Variants in B3GALNT2 observed in about 807,000 individuals in gnomAD.
The protein encoded by B3GALNT2 is beta-1,3-N-acetylgalactosaminyltransferase 2.
B3GALNT2 carries 53 observed loss-of-function variants against 61.1 expected under a neutral mutation model. The observed-to-expected ratio is 0.87, with a 90% CI of 0.70 to 1.09. The LOEUF (loss-of-function observed/expected upper bound fraction) is 1.09, where lower values mean the gene tolerates loss of function less well. Ranked by LOEUF, B3GALNT2 falls within the 50% of genes least tolerant of loss-of-function variation. B3GALNT2 has a pLI of 0.00. For synonymous variants in B3GALNT2, 223 were observed against 237.4 expected (o/e 0.94, Z 0.56); for missense variants, 544 against 623.0 (o/e 0.87, Z 1.35).
chr1:235,450,418 C>CT, intron 11 of B3GALNT2, 78 bp from the exon 12 acceptor site: 1 of 1,485,794 alleles, frequency 6.7e-7, no homozygotes, highest in South Asian at 1.2e-5. Flanking sequence ...ACGTAGACAG[C>CT]TTTTATGTAT....
In B3GALNT2 at chr1:235,484,320, A is replaced by G; in HGVS notation, c.555+2T>C. ...AAAAAACCTGTACAGAGCAGTGCAT[A>G]CCTCTTGTTCTGCCTGATAAAGTTT... On this transcript the variant is annotated splice_donor_variant, in intron 4 of 11. Transcript: ENST00000366600. LOFTEE classifies it high-confidence loss of function. 1 of 1,613,074 alleles carries G rather than the reference A, an allele frequency of 6.2e-7. No individual in the cohort carries two copies. The highest frequency in any genetic ancestry group is 1.1e-5 in the South Asian group (1 of 90,932).
In B3GALNT2 at chr1:235,450,356, C is replaced by CA; in HGVS notation, c.1369-17dup. On this transcript the variant is annotated splice_polypyrimidine_tract_variant and intron_variant, in intron 11 of 11. Coordinates refer to ENST00000366600, the MANE Select transcript of B3GALNT2 (RefSeq NM_152490.5). ...ACAGACTGTCCTGTTGAGAAACAAC[C>CA]AAAGCCGATCTGAGAGTGGTGAAAC... 1 of 1,612,844 alleles carries CA rather than the reference C, an allele frequency of 6.2e-7. No individual in the cohort carries two copies. Among genetic ancestry groups the CA allele is most frequent in the Non-Finnish European group, 8.5e-7 (1 of 1,179,030 alleles).
At chr1:235,499,498 C>T (rs904946065) in intron 1 of B3GALNT2, among the ~76,000 whole-genome samples, 1 of 152,160 alleles carries the variant, frequency 6.6e-6, no homozygotes, top group African/African-American at 2.4e-5. Flanking sequence ...CAGCAGTAAA[C>T]AAAATCTTCA....
intron 6 of B3GALNT2, among the ~76,000 whole-genome samples, chr1:235,466,541 GA>G (rs1683706752): frequency 6.6e-6 from 1 of 152,020 alleles, no homozygotes; most frequent in East Asian, 1.9e-4. Context: ...TTTTTGTAGA[GA>G]AGAGGTCTCA....
intron 1 of B3GALNT2, among the ~76,000 whole-genome samples, chr1:235,500,095 AC>A (rs1207769486): frequency 6.6e-6 from 1 of 152,148 alleles, no homozygotes; most frequent in African/African-American, 2.4e-5. Context: ...TTCTTCTGAG[AC>A]CCTACAGTAA....
Position 235,461,925 on chromosome 1 carries a change from G to T in B3GALNT2, c.842-3139C>A, listed in dbSNP as rs78949761. Among the ~76,000 whole-genome samples the T allele has an allele frequency of 8.3e-3, 1,263 of 152,318 alleles. 14 individuals carry two copies. Among genetic ancestry groups the T allele is most frequent in the African/African-American group, 0.029 (1,216 of 41,566 alleles). On this transcript the variant is annotated intron_variant, in intron 7 of 11. Coordinates refer to ENST00000366600, the MANE Select transcript of B3GALNT2 (RefSeq NM_152490.5). Reference sequence around the variant, plus strand: ...CATATGCAACCATTCTGTTTCTCATGTGACTACAGTCTTGTGAGATGTTCA... The same window carrying T: ...CATATGCAACCATTCTGTTTCTCATTTGACTACAGTCTTGTGAGATGTTCA...
At chr1:235,498,843 C>CAAAAAAAAAAAAAAAAAAAAA (rs57291873) in intron 1 of B3GALNT2, among the ~76,000 whole-genome samples, 3 of 64,116 alleles carry the variant, frequency 4.7e-5, no homozygotes, top group East Asian at 9.0e-4. Flanking sequence ...GACTCCTTCT[C>CAAAAAAAAAAAAAAAAAAAAA]AAAAAAAAAA....
At chr1:235,484,268 T>G in intron 4 of B3GALNT2, 54 bp downstream of exon 4, 1 of 1,520,154 alleles carries the variant, frequency 6.6e-7, no homozygotes, top group Non-Finnish European at 8.8e-7. Flanking sequence ...CAAGGAAAAG[T>G]TGATGTTTTT....
chr1:235,468,124 A>G (rs950016275), intron 6 of B3GALNT2, among the ~76,000 whole-genome samples: 2 of 152,196 alleles, frequency 1.3e-5, no homozygotes, highest in African/African-American at 2.4e-5. Flanking sequence ...TTTTGGCTTT[A>G]GAACTCAATA....
chr1:235,497,437 C>T lies in B3GALNT2; in HGVS notation c.113-2609G>A, dbSNP rs140982586. On this transcript the variant is annotated intron_variant, in intron 1 of 11. Coordinates refer to ENST00000366600, the MANE Select transcript of B3GALNT2 (RefSeq NM_152490.5). Reference sequence around the variant, plus strand: ...TTTGGATATTCTATTTCATTTGTTTCAAAGTCTCATCTCAAAAGATTAAAA... The same window carrying T: ...TTTGGATATTCTATTTCATTTGTTTTAAAGTCTCATCTCAAAAGATTAAAA... Among the ~76,000 whole-genome samples, 6 of 152,082 alleles carry T rather than the reference C, an allele frequency of 3.9e-5. No individual in the cohort carries two copies. The East Asian group carries it at 1.2e-3, about 29-fold the overall frequency.
At chr1:235,457,495 TATAG>T (rs1463556697) in intron 8 of B3GALNT2, among the ~76,000 whole-genome samples, 1 of 152,142 alleles carries the variant, frequency 6.6e-6, no homozygotes, top group Admixed American at 6.5e-5. Flanking sequence ...GTTAAGATTA[TATAG>T]ATATATAATA....
chr1:235,455,488 A>C (rs1271990104), intron 9 of B3GALNT2, 71 bp downstream of exon 9: 1 of 1,482,580 alleles, frequency 6.7e-7, no homozygotes, highest in African/African-American at 1.4e-5. Flanking sequence ...AAAAAAAAAG[A>C]TATTTTATGC....
chr1:235,446,357 A>G (rs1271685839), downstream of B3GALNT2, among the ~76,000 whole-genome samples: 3 of 151,974 alleles, frequency 2.0e-5, no homozygotes, highest in Non-Finnish European at 4.4e-5. Flanking sequence ...TTGTATTTTT[A>G]GTAGAGACGG....
intron 1 of B3GALNT2, among the ~76,000 whole-genome samples, chr1:235,503,216 G>C (rs1157313214): frequency 6.6e-6 from 1 of 152,192 alleles, no homozygotes; most frequent in Non-Finnish European, 1.5e-5. Flanking sequence ...AGGGAAAAAA[G>C]TCCCAGTATA....
At chr1:235,479,215 G>A (rs1208628477) in intron 5 of B3GALNT2, 1 of 152,158 alleles carries the variant, frequency 6.6e-6, no homozygotes, top group Non-Finnish European at 1.5e-5. Flanking sequence ...AAAGTTTCTT[G>A]GTTAGTCACC....
rs575718993 is a variant in B3GALNT2 at position 235,488,899 on chromosome 1, T to A, written c.361+269A>T. Among the ~76,000 whole-genome samples the A allele has an allele frequency of 2.0e-4, 30 of 151,572 alleles. No homozygotes were observed. The South Asian group carries it at 5.2e-3, about 26-fold the overall frequency. On this transcript the variant is annotated intron_variant, in intron 3 of 11. Transcript: ENST00000366600. ...CGAGACCTCAACTCTACAAAAAATT[T>A]AAAAAATTAGCCAGTTTTCGTGGCA...
At position 235,455,621 on chromosome 1, in the gene B3GALNT2, G is replaced by C; in HGVS notation, c.1089C>G (p.Leu363=). ...GGACAATCCTATTAAATACAGCTTC[G>C]AGGTCTATGTAACAGTCATCATCTG... ...LKTDDDCYID[L]EAVFNRIVQK... The change falls in exon 9 of 12, where the codon CTC becomes CTG. Residue 363 remains leucine (L), a synonymous_variant. Coordinates refer to ENST00000366600, the MANE Select transcript of B3GALNT2 (RefSeq NM_152490.5). 6.2e-7 allele frequency: 1 copy of C among 1,605,036 alleles called. No individual in the cohort carries two copies. The highest frequency in any genetic ancestry group is 8.5e-7 in the Non-Finnish European group (1 of 1,171,762).
chr1:235,471,270 T>G (rs1683995192), intron 5 of B3GALNT2, among the ~76,000 whole-genome samples: 1 of 152,222 alleles, frequency 6.6e-6, no homozygotes, highest in Non-Finnish European at 1.5e-5. Flanking sequence ...TCCTCATGTG[T>G]GTATAACATC....
At chr1:235,468,111 T>C (rs1180544787) in intron 6 of B3GALNT2, among the ~76,000 whole-genome samples, 1 of 152,196 alleles carries the variant, frequency 6.6e-6, no homozygotes, top group African/African-American at 2.4e-5. Context: ...TATTTCTATA[T>C]TGTTTTGGCT....
Sources: gnomAD v4.1 joint callset for allele counts (sites outside exome capture counted in the v4.1 genomes callset) on GRCh38, gnomAD v4.1.1 for gene constraint, MANE v1.5 for transcripts, NCBI Gene and HGNC (gene_info 2026-07-23, HGNC 2026-07-21) for gene names.